JARID2: variants seen among roughly 807,000 people sequenced by gnomAD.
JARID2 encodes the protein protein Jumonji.
Under a neutral mutation model 125.6 loss-of-function variants are expected in JARID2, and 21 were observed. That is an observed-to-expected ratio of 0.17 (90% confidence interval 0.12 to 0.24). JARID2 has a LOEUF of 0.24. Ranked by LOEUF, JARID2 falls within the 10% of genes least tolerant of loss-of-function variation. JARID2 has a pLI of 1.00. For missense variants in JARID2, 1,303 were observed against 1,639.6 expected (o/e 0.79, Z 3.55); for synonymous variants, 736 against 661.6 (o/e 1.11, Z -1.73).
At chr6:15,460,932 T>G (rs1029219630) in intron 4 of JARID2, among the ~76,000 whole-genome samples, 4 of 152,210 alleles carry the variant, frequency 2.6e-5, no homozygotes, top group Non-Finnish European at 5.9e-5. Flanking sequence ...CTTGAACTCC[T>G]GACCTCAGGG....
At chr6:15,402,190 G>A (rs1765465434) in intron 2 of JARID2, among the ~76,000 whole-genome samples, 1 of 152,188 alleles carries the variant, frequency 6.6e-6, no homozygotes, top group African/African-American at 2.4e-5. Context: ...AGTTTGTGGA[G>A]CTTTGCCCAT....
intron 7 of JARID2, among the ~76,000 whole-genome samples, chr6:15,498,160 C>G (rs988163081): frequency 3.3e-5 from 5 of 152,208 alleles, no homozygotes; most frequent in Non-Finnish European, 4.4e-5. Context: ...TTATCCTGCT[C>G]AGCCTTGTCT....
At position 15,519,169 on chromosome 6, in the gene JARID2, C is replaced by G. The variant is rs1433517789; in HGVS notation, c.3559-900C>G. On this transcript the variant is annotated intron_variant, in intron 17 of 17. Transcript: ENST00000341776. ...GTCCTCCTGTAACCGCACACTGCCG[C>G]TCCTCCTCACTTGTCCTTATGGTAA... Among the ~76,000 whole-genome samples, 7 of 152,218 alleles carry G rather than the reference C, an allele frequency of 4.6e-5. No homozygotes were observed. In the East Asian group the frequency reaches 1.3e-3, roughly 29 times the overall value.
chr6:15,400,938 TCC>T, intron 2 of JARID2: 1 of 1,289,496 alleles, frequency 7.8e-7, no homozygotes, highest in Non-Finnish European at 1.0e-6. Context: ...TCTGCAATGA[TCC>T]GGCTCTGAGG....
chr6:15,285,106 G>GTTTT lies in JARID2; in HGVS notation c.45+38540_45+38543dup, dbSNP rs199945772. 7.3e-3 allele frequency among the ~76,000 whole-genome samples: 867 copies of GTTTT among 119,402 alleles called. 54 individuals are homozygous for GTTTT. The highest frequency in any genetic ancestry group is 0.027 in the African/African-American group (821 of 30,386). The allele number at this position is 119,402 out of a possible 152,430, so 78.3% of individuals were successfully genotyped here. ...TTTGCATTAATGTGAGTCTTTCTGG[G>GTTTT]TTTTTTTTTTTTTTTTTTTTTGAAA... On this transcript the variant is annotated intron_variant, in intron 1 of 17. Coordinates refer to ENST00000341776, the MANE Select transcript of JARID2 (RefSeq NM_004973.4).
At chr6:15,515,538 T>A (rs1237263684) in intron 16 of JARID2, among the ~76,000 whole-genome samples, 1 of 152,088 alleles carries the variant, frequency 6.6e-6, no homozygotes, top group African/African-American at 2.4e-5. Context: ...CCAATCCCAG[T>A]GCTTCGGGAG....
rs1231029651 is a variant in JARID2, at chr6:15,464,707, C to T, written c.494-3835C>T. Among the ~76,000 whole-genome samples the T allele has an allele frequency of 2.0e-5, 3 of 152,296 alleles. No individual in the cohort carries two copies. In the East Asian group the frequency reaches 5.8e-4, roughly 29 times the overall value. On this transcript the variant is annotated intron_variant, in intron 4 of 17. Coordinates refer to ENST00000341776, the MANE Select transcript of JARID2 (RefSeq NM_004973.4). Reference sequence around the variant, plus strand: ...ATCCCTTTCCTACACTTTCCCTTTTCCCAGTCTTCCTTCCATTCAACATAT... The same window carrying T: ...ATCCCTTTCCTACACTTTCCCTTTTTCCAGTCTTCCTTCCATTCAACATAT...
intron 1 of JARID2, among the ~76,000 whole-genome samples, chr6:15,282,271 T>C (rs2127378063): frequency 6.6e-6 from 1 of 152,170 alleles, no homozygotes; most frequent in East Asian, 1.9e-4. Context: ...GAAGAAATTT[T>C]TTCCTTCCGA....
chr6:15,366,401 T>G (rs1466602120), intron 1 of JARID2, among the ~76,000 whole-genome samples: 3 of 151,134 alleles, frequency 2.0e-5, no homozygotes, highest in African/African-American at 4.9e-5. Context: ...ACATTGCATG[T>G]TGGTCCTTTG....
chr6:15,327,271 T>G (rs1038532148), intron 1 of JARID2, among the ~76,000 whole-genome samples: 14 of 152,140 alleles, frequency 9.2e-5, no homozygotes, highest in Admixed American at 2.6e-4. Flanking sequence ...TAAGAGACGG[T>G]CTTGCCCTGT....
intron 3 of JARID2, among the ~76,000 whole-genome samples, chr6:15,449,875 C>T (rs547075682): frequency 2.0e-4 from 30 of 152,058 alleles, no homozygotes; most frequent in South Asian, 1.7e-3. Flanking sequence ...TTAGGACATA[C>T]AAGGGAATTT....
intron 1 of JARID2, among the ~76,000 whole-genome samples, chr6:15,282,957 C>G (rs1388152324): frequency 6.6e-6 from 1 of 151,134 alleles, no homozygotes; most frequent in Non-Finnish European, 1.5e-5. Context: ...TTCCTGAAAT[C>G]TATCTATCTA....
At chr6:15,294,434 C>T (rs1429779472) in intron 1 of JARID2, among the ~76,000 whole-genome samples, 4 of 152,166 alleles carry the variant, frequency 2.6e-5, no homozygotes, top group East Asian at 1.9e-4. Context: ...CCTCGTGATC[C>T]GCCCACCTTG....
intron 1 of JARID2, among the ~76,000 whole-genome samples, chr6:15,311,908 G>A (rs1006477801): frequency 2.6e-5 from 4 of 152,130 alleles, no homozygotes; most frequent in African/African-American, 9.7e-5. Context: ...GGATTGTATT[G>A]CCAGAGGTGT....
At chr6:15,425,170 T>A (rs150975746) in intron 3 of JARID2, among the ~76,000 whole-genome samples, 17 of 152,242 alleles carry the variant, frequency 1.1e-4, no homozygotes, top group African/African-American at 3.9e-4. Flanking sequence ...AAACAGAGAA[T>A]AGTATAGTTG....
intron 1 of JARID2, among the ~76,000 whole-genome samples, chr6:15,283,241 G>A (rs1319988603): frequency 1.3e-5 from 2 of 150,916 alleles, no homozygotes; most frequent in Non-Finnish European, 2.9e-5. Context: ...GCCTCCCAAA[G>A]TGCTGGGATT....
intron 4 of JARID2, among the ~76,000 whole-genome samples, chr6:15,454,967 C>T (rs960522319): frequency 2.6e-5 from 4 of 151,954 alleles, no homozygotes; most frequent in Admixed American, 1.3e-4. Context: ...GAATGGAGAA[C>T]GAGTGGGATG....
At chr6:15,255,683 T>G (rs1002075093) in intron 1 of JARID2, among the ~76,000 whole-genome samples, 1 of 152,166 alleles carries the variant, frequency 6.6e-6, no homozygotes, top group Non-Finnish European at 1.5e-5. Flanking sequence ...GTTTGGTGCC[T>G]GTGGGGGCAG....
chr6:15,479,208 G>A (rs571874900), intron 5 of JARID2, among the ~76,000 whole-genome samples: 2 of 152,254 alleles, frequency 1.3e-5, no homozygotes, highest in African/African-American at 2.4e-5. Context: ...CACACAGGCC[G>A]CGGGGCTAGT....
Sources: allele counts gnomAD v4.1 joint callset (sites outside exome capture counted in the v4.1 genomes callset), GRCh38; gene constraint gnomAD v4.1.1; transcripts MANE v1.5; gene names NCBI Gene and HGNC (gene_info 2026-07-23, HGNC 2026-07-21).